PSMB10: variants seen among roughly 807,000 people sequenced by gnomAD.
PSMB10 encodes proteasome subunit beta type-10.
PSMB10 carries 29 observed loss-of-function variants against 29.8 expected under a neutral mutation model. The observed-to-expected ratio is 0.97, with a 90% CI of 0.73 to 1.33. The LOEUF (loss-of-function observed/expected upper bound fraction) is 1.33. PSMB10 is among the 40% of genes most tolerant of loss of function. The pLI is 0.00. For synonymous variants in PSMB10, 157 were observed against 164.7 expected (o/e 0.95, Z 0.36); for missense variants, 327 against 369.2 (o/e 0.89, Z 0.94).
In PSMB10 at chr16:67,936,319, A is replaced by G. The variant is rs1225108150; in HGVS notation, c.145-7T>C. On this transcript the variant is annotated splice_region_variant and splice_polypyrimidine_tract_variant and intron_variant, in intron 2 of 7. Coordinates refer to ENST00000358514, the MANE Select transcript of PSMB10 (RefSeq NM_002801.4). ...CGCCCAGAATGACCCCGTCCTGAGG[A>G]GAGGGAGGGACCGCAGCTTCAGTGC... The G allele has an allele frequency of 1.7e-5, 27 of 1,612,290 alleles. No homozygotes were observed. The highest frequency in any genetic ancestry group is 2.2e-5 in the Non-Finnish European group (26 of 1,179,020).
Position 67,935,603 on chromosome 16 carries a change from G to C in PSMB10, c.478C>G (p.Arg160Gly). The change falls in exon 5 of 8, where the codon CGT (arginine) becomes GGT (glycine). Residue 160 changes from arginine to glycine, a missense_variant. By Grantham distance (125) the Arg-to-Gly change is moderately radical. Coordinates refer to ENST00000358514, the MANE Select transcript of PSMB10 (RefSeq NM_002801.4). ...TCACCCAGGGCTGTGAAGGGCAGAC[G>C]GCTGTAGGAGCCATGGGGATGCACA... Reference protein sequence around the residue: ...YGVHPHGSYSRLPFTALGSGQ... With the variant: ...YGVHPHGSYSGLPFTALGSGQ... 6.2e-7 allele frequency: 1 copy of C among 1,614,238 alleles called. No homozygotes were observed. The highest frequency in any genetic ancestry group is 8.5e-7 in the Non-Finnish European group (1 of 1,180,042).
Sources: gnomAD v4.1 joint callset for allele counts on GRCh38, gnomAD v4.1.1 for gene constraint, MANE v1.5 for transcripts, NCBI Gene and HGNC (gene_info 2026-07-23, HGNC 2026-07-21) for gene names.